The following HPCAL1 variants were observed in gnomAD, a reference collection of about 807,000 sequenced individuals.
HPCAL1 encodes the protein hippocalcin like 1.
HPCAL1 carries 8 observed loss-of-function variants against 17.1 expected under a neutral mutation model. The observed-to-expected ratio is 0.47, with a 90% CI of 0.27 to 0.84. The LOEUF (loss-of-function observed/expected upper bound fraction) is 0.84. Ranked by LOEUF, HPCAL1 falls within the 40% of genes least tolerant of loss-of-function variation. HPCAL1 has a pLI of 0.13. For synonymous variants in HPCAL1, 112 were observed against 111.4 expected (o/e 1.01, Z -0.03); for missense variants, 165 against 271.1 (o/e 0.61, Z 2.75).
At chr2:10,421,597 A>G (rs954474607) in intron 3 of HPCAL1, among the ~76,000 whole-genome samples, 2 of 152,134 alleles carry the variant, frequency 1.3e-5, no homozygotes, top group African/African-American at 4.8e-5. Context: ...GCTACTTGGG[A>G]GGCTGAGATG....
At chr2:10,403,006 C>T (rs867489819) in intron 2 of HPCAL1, among the ~76,000 whole-genome samples, 3 of 152,166 alleles carry the variant, frequency 2.0e-5, no homozygotes, top group South Asian at 2.1e-4. Context: ...ATTTGGGACA[C>T]ATAAATTCAA....
intron 2 of HPCAL1, among the ~76,000 whole-genome samples, chr2:10,402,097 A>G (rs1259626009): frequency 1.3e-5 from 2 of 152,014 alleles, no homozygotes; most frequent in Admixed American, 1.3e-4. Flanking sequence ...ACGGGGTTTC[A>G]CCATCTTGGC....
chr2:10,318,304 C>T (rs763579892), intron 1 of HPCAL1, among the ~76,000 whole-genome samples: 2 of 151,846 alleles, frequency 1.3e-5, no homozygotes, highest in Non-Finnish European at 2.9e-5. Flanking sequence ...CCTCCACCCC[C>T]GCCCCAGACT....
intron 1 of HPCAL1, among the ~76,000 whole-genome samples, chr2:10,382,374 C>CA (rs1213114278): frequency 6.6e-6 from 1 of 152,086 alleles, no homozygotes; most frequent in Admixed American, 6.6e-5. Flanking sequence ...TGTCATTGCA[C>CA]AGTTGTCAAA....
At chr2:10,389,563 C>T (rs1558509478) in intron 1 of HPCAL1, among the ~76,000 whole-genome samples, 1 of 152,222 alleles carries the variant, frequency 6.6e-6, no homozygotes, top group Non-Finnish European at 1.5e-5. Context: ...CTTCCAGCCC[C>T]CAGAACTGTA....
At chr2:10,336,909 T>C (rs1664757876) in intron 1 of HPCAL1, among the ~76,000 whole-genome samples, 1 of 151,966 alleles carries the variant, frequency 6.6e-6, no homozygotes. Flanking sequence ...CACACCTGGG[T>C]AATTTTTACT....
chr2:10,389,990 C>T (rs769218313), intron 1 of HPCAL1, among the ~76,000 whole-genome samples: 17 of 152,210 alleles, frequency 1.1e-4, no homozygotes, highest in Non-Finnish European at 2.1e-4. Flanking sequence ...ACAGTAGATT[C>T]CTTTTATTAT....
chr2:10,361,256 A>G (rs1025324943), intron 1 of HPCAL1, among the ~76,000 whole-genome samples: 10 of 88,204 alleles, frequency 1.1e-4, no homozygotes, highest in African/African-American at 2.9e-4. Flanking sequence ...GAATGGGTGG[A>G]TCCCAGAGAG....
At chr2:10,319,091 TGTC>T (rs1196345932) in intron 1 of HPCAL1, among the ~76,000 whole-genome samples, 18 of 152,230 alleles carry the variant, frequency 1.2e-4, no homozygotes, top group African/African-American at 4.1e-4. Context: ...TCAACATCAT[TGTC>T]GTCCTCATCG....
At chr2:10,312,872 C>T (rs576838599) in intron 1 of HPCAL1, among the ~76,000 whole-genome samples, 41 of 152,242 alleles carry the variant, frequency 2.7e-4, no homozygotes, top group African/African-American at 9.6e-4. Flanking sequence ...TCATCACCAC[C>T]ACCACCATCA....
At chr2:10,408,557 A>G (rs946390570) in intron 2 of HPCAL1, 2 of 152,280 alleles carry the variant, frequency 1.3e-5, no homozygotes, top group African/African-American at 4.8e-5. Context: ...GATCTGACTC[A>G]GCAGGGTTGG....
intron 1 of HPCAL1, among the ~76,000 whole-genome samples, chr2:10,334,328 T>C (rs1427705454): frequency 1.3e-5 from 2 of 150,564 alleles, no homozygotes; most frequent in Non-Finnish European, 3.0e-5. Context: ...TTTTGTTTTG[T>C]TTTTTAAACA....
intron 2 of HPCAL1, among the ~76,000 whole-genome samples, chr2:10,399,579 GCCACCGCCACCGCCA>G (rs1558519055): frequency 2.0e-5 from 2 of 98,850 alleles, no homozygotes; most frequent in African/African-American, 3.9e-5. Flanking sequence ...CACCACCACC[GCCACCGCCACCGCCA>G]CCACCACCAC....
chr2:10,388,280 A>G (rs1668456394), intron 1 of HPCAL1, among the ~76,000 whole-genome samples: 1 of 152,144 alleles, frequency 6.6e-6, no homozygotes, highest in African/African-American at 2.4e-5. Context: ...GGTTTGTTTT[A>G]TCTTCCTCCT....
intron 1 of HPCAL1, among the ~76,000 whole-genome samples, chr2:10,336,406 T>A (rs6745569): frequency 6.6e-6 from 1 of 152,164 alleles, no homozygotes; most frequent in Non-Finnish European, 1.5e-5. Context: ...TGTTCTTCTA[T>A]GCCAATGTAT....
intron 1 of HPCAL1, among the ~76,000 whole-genome samples, chr2:10,321,782 T>C (rs1046715851): frequency 6.6e-5 from 10 of 152,354 alleles, no homozygotes; most frequent in African/African-American, 2.4e-4. Flanking sequence ...CCGCCAATGC[T>C]GCGTGTGTAT....
intron 2 of HPCAL1, among the ~76,000 whole-genome samples, chr2:10,418,372 T>A (rs1182381682): frequency 2.9e-5 from 4 of 139,824 alleles, no homozygotes; most frequent in South Asian, 4.6e-4. Context: ...AGGTGGAGGT[T>A]GCAGTGAGCC....
intron 1 of HPCAL1, among the ~76,000 whole-genome samples, chr2:10,385,881 T>C (rs1558506458): frequency 6.6e-6 from 1 of 150,734 alleles, no homozygotes; most frequent in Non-Finnish European, 1.5e-5. Flanking sequence ...AGGCTGCTGA[T>C]TTGTCGGCCT....
intron 2 of HPCAL1, among the ~76,000 whole-genome samples, chr2:10,406,670 G>A (rs901332654): frequency 2.6e-5 from 4 of 152,244 alleles, no homozygotes; most frequent in African/African-American, 7.2e-5. Flanking sequence ...CACCGGGCTC[G>A]CTCTAGCCTG....
Sources: allele counts gnomAD v4.1 joint callset (sites outside exome capture counted in the v4.1 genomes callset), GRCh38; gene constraint gnomAD v4.1.1; transcripts MANE v1.5; gene names NCBI Gene and HGNC (gene_info 2026-07-23, HGNC 2026-07-21).